The following GRIA3 variants were observed in gnomAD, a reference collection of about 807,000 sequenced individuals.
The protein encoded by GRIA3 is glutamate receptor 3.
A neutral mutation model predicts 63.0 loss-of-function variants in GRIA3; 3 were observed. The ratio of observed to expected loss-of-function variants is 0.05; its 90% CI spans 0.02 to 0.12. GRIA3 has a LOEUF of 0.12. GRIA3 is among the 10% of genes least tolerant of loss of function. GRIA3 has a pLI of 1.00. For missense variants in GRIA3, 347 were observed against 700.9 expected, an observed-to-expected ratio of 0.50 and a Z score of 5.70; for synonymous variants, 274 against 257.9, an observed-to-expected ratio of 1.06 and a Z score of -0.60.
At chrX:123,192,580 T>C (rs998231321) in intron 2 of GRIA3, among the ~76,000 whole-genome samples, 1 of 112,033 alleles carries the variant, frequency 8.9e-6, no homozygotes, top group African/African-American at 3.2e-5. Context: ...GGATTTCCAA[T>C]TGCTCATTGG....
intron 11 of GRIA3, among the ~76,000 whole-genome samples, chrX:123,418,895 C>A (rs1183898567): frequency 3.6e-5 from 4 of 112,325 alleles, no homozygotes. Context: ...CAATTCTATT[C>A]TTAGCTATTT....
At chrX:123,236,141 C>T (rs1044615967) in intron 2 of GRIA3, among the ~76,000 whole-genome samples, 3 of 111,954 alleles carry the variant, frequency 2.7e-5, no homozygotes, top group Admixed American at 9.5e-5. Flanking sequence ...GGACTCTGCA[C>T]TTCGTTTACC....
At chrX:123,401,134 G>A (rs748899348) in intron 7 of GRIA3, among the ~76,000 whole-genome samples, 4 of 111,672 alleles carry the variant, frequency 3.6e-5, no homozygotes, top group South Asian at 7.6e-4. Context: ...GACGGGATGC[G>A]GGGAAACTGT....
chrX:123,401,831 A>C (rs2045444984), intron 7 of GRIA3, among the ~76,000 whole-genome samples: 1 of 112,543 alleles, frequency 8.9e-6, no homozygotes, highest in Admixed American at 9.4e-5. Context: ...ATACTAGGAA[A>C]ATGAGATATA....
At chrX:123,482,703 T>C in intron 14 of GRIA3, 96 bp from the exon 15 acceptor site, 1 of 974,802 alleles carries the variant, frequency 1.0e-6, no homozygotes, top group Non-Finnish European at 1.5e-6. Context: ...TTAGTTATTT[T>C]ACAATTTAGA....
intron 4 of GRIA3, among the ~76,000 whole-genome samples, chrX:123,337,556 T>C (rs992895447): frequency 9.0e-6 from 1 of 111,461 alleles, no homozygotes; most frequent in Non-Finnish European, 1.9e-5. Context: ...AATCAGAACC[T>C]GGGGATTATG....
chrX:123,484,544 G>A (rs766909478), intron 15 of GRIA3, among the ~76,000 whole-genome samples: 21 of 111,663 alleles, frequency 1.9e-4, no homozygotes, highest in African/African-American at 5.9e-4. Context: ...GCAGTGACGC[G>A]ATCTCAGCTC....
chrX:123,445,200 G>A (rs896143547), intron 12 of GRIA3, among the ~76,000 whole-genome samples: 13 of 111,841 alleles, frequency 1.2e-4, no homozygotes, highest in African/African-American at 4.2e-4. Flanking sequence ...TATTTAAGAG[G>A]AGCCATCCCT....
At position 123,202,529 on chromosome X, in the gene GRIA3, T is replaced by A. The variant is rs1927769894; in HGVS notation, c.268+16539T>A. On this transcript the variant is annotated intron_variant, in intron 2 of 15. Transcript: ENST00000620443. ...GCCACTGTGGCCTGGACAGTGTACA[T>A]CAAGGTTCACCCTCTTTCCTCAATC... 3.6e-6 allele frequency: 3 copies of A among 825,462 alleles called. No individual in the cohort carries two copies. The East Asian group carries it at 1.0e-4, about 28-fold the overall frequency. 68.0% of individuals were successfully genotyped at this position (825,462 alleles called of 1,213,427 possible).
At chrX:123,289,777 C>CCA (rs1556281053) in intron 3 of GRIA3, among the ~76,000 whole-genome samples, 86 of 110,659 alleles carry the variant, frequency 7.8e-4, no homozygotes, top group African/African-American at 2.8e-3. Context: ...TCCACCCCCC[C>CCA]AACCAAGACA....
At chrX:123,190,265 G>A (rs1927393631) in intron 2 of GRIA3, among the ~76,000 whole-genome samples, 1 of 110,495 alleles carries the variant, frequency 9.1e-6, no homozygotes, top group African/African-American at 3.3e-5. Context: ...CTGCCTTTGT[G>A]CCTTTGCTGC....
At chrX:123,190,829 G>A (rs774987311) in intron 2 of GRIA3, among the ~76,000 whole-genome samples, 22 of 112,008 alleles carry the variant, frequency 2.0e-4, no homozygotes, top group African/African-American at 4.5e-4. Flanking sequence ...GTGGAGGATC[G>A]ATGAGCTTTT....
At chrX:123,189,921 G>A (rs111290879) in intron 2 of GRIA3, among the ~76,000 whole-genome samples, 223 of 111,529 alleles carry the variant, frequency 2.0e-3, no homozygotes, top group African/African-American at 7.0e-3. Flanking sequence ...ACAACTAAGC[G>A]CATTTCACTA....
intron 13 of GRIA3, among the ~76,000 whole-genome samples, chrX:123,466,625 G>A (rs1164286749): frequency 8.9e-6 from 1 of 111,988 alleles, no homozygotes; most frequent in Non-Finnish European, 1.9e-5. Flanking sequence ...ACAAGAAATA[G>A]GGGCAAGCTC....
rs1190325342 is a variant in GRIA3 at position 123,490,142 on chromosome X, T to C, written c.*1432T>C. On this transcript the variant is annotated 3_prime_UTR_variant, in exon 16 of 16. Coordinates refer to ENST00000620443, the MANE Select transcript of GRIA3 (RefSeq NM_007325.5). ...TAGTTCAGTAGTTTGCTCTCATCGA[T>C]AACGTGCATTGGGAAGTTTCCAGAC... 8.9e-6 allele frequency: 1 copy of C among 112,745 alleles called. No homozygotes were observed. The highest frequency in any genetic ancestry group is 9.4e-5 in the Admixed American group (1 of 10,644). The allele number at this position is 112,745 out of a possible 1,213,427, so 9.3% of individuals were successfully genotyped here.
At position 123,358,033 on chromosome X, in the gene GRIA3, C is replaced by T. The variant is rs2045144677; in HGVS notation, c.750+3070C>T. On this transcript the variant is annotated intron_variant, in intron 5 of 15. Coordinates refer to ENST00000620443, the MANE Select transcript of GRIA3 (RefSeq NM_007325.5). ...TCCATGGTTCCCAGTTTTTTCAAAG[C>T]AGATAAAAATTACCCCAAATGCCTC... Among the ~76,000 whole-genome samples, 4 of 110,542 alleles carry T rather than the reference C, an allele frequency of 3.6e-5. No homozygotes were observed. The South Asian group carries it at 1.5e-3, about 43-fold the overall frequency.
At chrX:123,339,083 T>C (rs1357535849) in intron 4 of GRIA3, among the ~76,000 whole-genome samples, 5 of 112,159 alleles carry the variant, frequency 4.5e-5, no homozygotes, top group Non-Finnish European at 9.4e-5. Flanking sequence ...GGATGTTTCA[T>C]GGGGATGGTT....
Position 123,302,278 on chromosome X carries a change from A to G in GRIA3, c.509-23748A>G, listed in dbSNP as rs771894364. On this transcript the variant is annotated intron_variant, in intron 3 of 15. Coordinates refer to ENST00000620443, the MANE Select transcript of GRIA3 (RefSeq NM_007325.5). ...AAATCTTGGCTAAGATCTCTTCTGT[A>G]TGACCTTGAGTCAGTCAGTATCCTT... Among the ~76,000 whole-genome samples, 216 of 111,975 alleles carry G rather than the reference A, an allele frequency of 1.9e-3. 1 individual carries two copies. The highest frequency in any genetic ancestry group is 6.8e-3 in the African/African-American group (209 of 30,909).
At chrX:123,455,811 G>A (rs2045758214) in intron 12 of GRIA3, among the ~76,000 whole-genome samples, 1 of 104,060 alleles carries the variant, frequency 9.6e-6, no homozygotes, top group Non-Finnish European at 2.0e-5. Context: ...AGAGGCTGGG[G>A]TTATCACGGG....
Sources: allele counts gnomAD v4.1 joint callset (sites outside exome capture counted in the v4.1 genomes callset), GRCh38; gene constraint gnomAD v4.1.1; transcripts MANE v1.5; gene names NCBI Gene and HGNC (gene_info 2026-07-23, HGNC 2026-07-21).